GAR1: variants seen among roughly 807,000 people sequenced by gnomAD.
The protein encoded by GAR1 is H/ACA ribonucleoprotein complex subunit 1.
GAR1 carries 11 observed loss-of-function variants against 29.3 expected under a neutral mutation model. The ratio of observed to expected loss-of-function variants is 0.38; its 90% CI spans 0.24 to 0.62. The LOEUF (loss-of-function observed/expected upper bound fraction) is 0.62, where lower values mean the gene tolerates loss of function less well. Among genes scored for constraint, GAR1 ranks in the 20% least tolerant of loss-of-function variants. The probability of loss-of-function intolerance (pLI) is 0.62; values close to 1 mark genes in which losing one functional copy is unlikely to be tolerated. For missense variants in GAR1, 237 were observed against 268.4 expected (o/e 0.88, Z 0.82); for synonymous variants, 87 against 93.3 (o/e 0.93, Z 0.39).
intron 6 of GAR1, 49 bp downstream of exon 6, chr4:109,824,082 T>C (rs750730927): frequency 4.2e-6 from 5 of 1,200,832 alleles, no homozygotes; most frequent in South Asian, 1.3e-5. Flanking sequence ...AAAATTGATA[T>C]TATCTGGCAT....
rs765203160 is a variant in GAR1, at chr4:109,816,254, AGGTGGAGGCGGC to A, written c.105_116del (p.Gly36_Gly39del). ...GAGGTGGCAGCAGCAACCACTTCCG[AGGTGGAGGCGGC>A]GGTGGAGGCGGCGGCAATTTCAGAG... is the stretch of plus-strand genomic sequence containing the variant. On this transcript the variant is annotated inframe_deletion, in exon 2 of 7. Coordinates refer to ENST00000226796, the MANE Select transcript of GAR1 (RefSeq NM_018983.4). 8.7e-4 allele frequency: 1,407 copies of A among 1,609,400 alleles called. 14 individuals are homozygous for A. The highest frequency in any genetic ancestry group is 3.6e-4 in the African/African-American group (27 of 74,716).
intron 4 of GAR1, among the ~76,000 whole-genome samples, chr4:109,819,761 A>C (rs1443018782): frequency 2.0e-5 from 3 of 152,232 alleles, no homozygotes; most frequent in Non-Finnish European, 4.4e-5. Context: ...GAGCTAGTCA[A>C]AGAGGAAGAG....
intron 4 of GAR1, among the ~76,000 whole-genome samples, chr4:109,821,888 A>G (rs1184977188): frequency 1.3e-5 from 2 of 152,110 alleles, no homozygotes; most frequent in Non-Finnish European, 2.9e-5. Context: ...GTAAACTAAC[A>G]CAGGAATAGA....
chr4:109,824,423 G>C lies in GAR1; in HGVS notation c.646G>C (p.Gly216Arg). ...GGRGGGFRGR[G>R]H ...TTTAATTTTCTCTTAATCAGGGAGA[G>C]GACATTAAGTGAAACAGTTGACAGA... The change falls in exon 7 of 7, where the codon GGA becomes CGA. Residue 216 changes from glycine to arginine, a missense_variant. Gly to Arg is a moderately radical substitution (Grantham distance 125). Transcript: ENST00000226796. The C allele has an allele frequency of 6.3e-7, 1 of 1,588,778 alleles. No homozygotes were observed. Among genetic ancestry groups the C allele is most frequent in the South Asian group, 1.1e-5 (1 of 90,394 alleles).
chr4:109,822,528 G>A, intron 5 of GAR1, 40 bp downstream of exon 5: 1 of 1,570,790 alleles, frequency 6.4e-7, no homozygotes, highest in East Asian at 2.3e-5. Flanking sequence ...AATTAACTGT[G>A]ACTTTCACAG....
Position 109,822,413 on chromosome 4 carries a change from G to A in GAR1, c.496G>A (p.Gly166Arg). Residue 166 changes from glycine to arginine, a missense_variant, in exon 5 of 7, where the codon GGA (glycine) becomes AGA (arginine). Physicochemically the swap from Gly to Arg is moderately radical, Grantham distance 125 (BLOSUM62 -2). Transcript: ENST00000226796. ...RFLPRPPGEK[G>R]PPRGGGRGGR... ...TTTACCTCGACCTCCAGGTGAGAAA[G>A]GACCTCCAAGAGGTGGTGGCAGGGG... is the stretch of plus-strand genomic sequence containing the variant. The A allele has an allele frequency of 6.2e-7, 1 of 1,611,192 alleles. No individual in the cohort carries two copies. Among genetic ancestry groups the A allele is most frequent in the Non-Finnish European group, 8.5e-7 (1 of 1,177,946 alleles).
intron 5 of GAR1, among the ~76,000 whole-genome samples, chr4:109,823,188 G>T (rs1227011798): frequency 6.6e-6 from 1 of 152,180 alleles, no homozygotes. Context: ...CCTGTGAGTA[G>T]GAGAAGGGCG....
At chr4:109,824,322 T>C (rs988385799) in intron 6 of GAR1, 96 bp from the exon 7 acceptor site, 6 of 816,366 alleles carry the variant, frequency 7.3e-6, no homozygotes, top group African/African-American at 1.7e-5. Flanking sequence ...TAAACATTAT[T>C]GGAACTAATG....
In GAR1 at chr4:109,817,976, T is replaced by G. The variant is rs1733399321; in HGVS notation, c.255T>G (p.Val85=). The G allele has an allele frequency of 3.7e-6, 6 of 1,609,590 alleles. No homozygotes were observed. Among genetic ancestry groups the G allele is most frequent in the Non-Finnish European group, 4.2e-6 (5 of 1,177,192 alleles). Residue 85 remains valine, a synonymous_variant, in exon 3 of 7, where the codon GTT becomes GTG. Coordinates refer to ENST00000226796, the MANE Select transcript of GAR1 (RefSeq NM_018983.4). ...EFLHPCEDDI[V]CKCTTDENKV... ...TGCATCCCTGTGAAGATGACATAGTTTGTAAATGTACCACAGATGAAAATA... is the reference window on the plus strand; with the variant it reads ...TGCATCCCTGTGAAGATGACATAGTGTGTAAATGTACCACAGATGAAAATA...
At chr4:109,816,111 G>GTTGGAGAT (rs1733341219) in intron 1 of GAR1, 42 bp from the exon 2 acceptor site, 3 of 1,568,278 alleles carry the variant, frequency 1.9e-6, no homozygotes, top group Admixed American at 1.7e-5. Context: ...ATACTCAGAG[G>GTTGGAGAT]CTACAGTGAT....
chr4:109,816,114 A>T, intron 1 of GAR1, 39 bp from the exon 2 acceptor site: 1 of 1,568,176 alleles, frequency 6.4e-7, no homozygotes, highest in Non-Finnish European at 8.8e-7. Context: ...CTCAGAGGCT[A>T]CAGTGATCAG....
intron 3 of GAR1, among the ~76,000 whole-genome samples, chr4:109,818,404 C>A (rs969442994): frequency 6.6e-6 from 1 of 151,832 alleles, no homozygotes; most frequent in Non-Finnish European, 1.5e-5. Context: ...TTGTTTGGTG[C>A]CCCCACTACT....
intron 2 of GAR1, 33 bp from the exon 3 acceptor site, chr4:109,817,903 T>A: frequency 6.4e-7 from 1 of 1,569,414 alleles, no homozygotes; most frequent in Non-Finnish European, 8.7e-7. Flanking sequence ...TTGAAATAGT[T>A]CTATGTTTTA....
intron 4 of GAR1, 63 bp from the exon 5 acceptor site, chr4:109,822,284 T>G: frequency 1.0e-6 from 1 of 1,000,502 alleles, no homozygotes; most frequent in Non-Finnish European, 1.5e-6. Flanking sequence ...TCATGTAGCT[T>G]CTTAATGATT....
intron 5 of GAR1, 87 bp downstream of exon 5, chr4:109,822,575 A>T (rs1219190415): frequency 1.4e-6 from 2 of 1,379,472 alleles, no homozygotes; most frequent in Admixed American, 5.3e-5. Context: ...TGTACATAGC[A>T]AACCTCCCTT....
chr4:109,818,580 T>TTC (rs1263036561), intron 3 of GAR1, among the ~76,000 whole-genome samples: 1 of 149,964 alleles, frequency 6.7e-6, no homozygotes, highest in East Asian at 1.9e-4. Context: ...TTTTTTTTTT[T>TTC]TTTTGACAGA....
rs764973341 is a variant in GAR1, at chr4:109,822,396, G to A, written c.479G>A (p.Arg160Gln). 8 of 1,610,054 alleles carry A rather than the reference G, an allele frequency of 5.0e-6. No homozygotes were observed. In the East Asian group the frequency reaches 1.1e-4, roughly 22 times the overall value. Residue 160 changes from arginine (R) to glutamine (Q), a missense_variant, in exon 5 of 7, where the codon CGA (arginine) becomes CAA (glutamine). By Grantham distance (43) the Arg-to-Gln change is conservative. Coordinates refer to ENST00000226796, the MANE Select transcript of GAR1 (RefSeq NM_018983.4). ...KLLPLQRFLP[R>Q]PPGEKGPPRG... ...CTGCCACTGCAGAGGTTTTTACCTC[G>A]ACCTCCAGGTGAGAAAGGACCTCCA...
In GAR1 at chr4:109,822,460, A is replaced by T; in HGVS notation, c.543A>T (p.Gly181=). The T allele has an allele frequency of 6.2e-7, 1 of 1,604,720 alleles. No individual in the cohort carries two copies. Among genetic ancestry groups the T allele is most frequent in the Non-Finnish European group, 8.5e-7 (1 of 1,173,616 alleles). The part of the protein sequence containing the change: ...GGRGGRGGGR[G]GGGRGGGRGG... ...GGGGAGGCCGAGGAGGAGGAAGAGG[A>T]GGAGGTGGCAGAGGTGGTGGCAGAG... Residue 181 remains glycine (G), a synonymous_variant, in exon 5 of 7, where the codon GGA becomes GGT. Transcript: ENST00000226796.
intron 4 of GAR1, among the ~76,000 whole-genome samples, chr4:109,822,035 C>G (rs1338620471): frequency 6.6e-6 from 1 of 151,444 alleles, no homozygotes; most frequent in Non-Finnish European, 1.5e-5. Context: ...GGGCAAATAC[C>G]CGATGCATAC....
Sources: allele counts gnomAD v4.1 joint callset (sites outside exome capture counted in the v4.1 genomes callset), GRCh38; gene constraint gnomAD v4.1.1; transcripts MANE v1.5; gene names NCBI Gene and HGNC (gene_info 2026-07-23, HGNC 2026-07-21).